CMC2: variants seen among roughly 807,000 people sequenced by gnomAD.
CMC2 encodes the protein COX assembly mitochondrial protein 2 homolog.
CMC2 carries 5 observed loss-of-function variants against 7.5 expected under a neutral mutation model. The observed-to-expected ratio is 0.66, with a 90% CI of 0.35 to 1.40. The LOEUF is 1.40. CMC2 is among the 40% of genes most tolerant of loss of function. The pLI is 0.04. For synonymous variants in CMC2, 37 were observed against 31.4 expected (o/e 1.18, Z -0.60); for missense variants, 115 against 92.3 (o/e 1.25, Z -1.01).
chr16:80,976,228 C>G, intron 3 of CMC2, 49 bp from the exon 4 acceptor site: 1 of 945,184 alleles, frequency 1.1e-6, no homozygotes, highest in Non-Finnish European at 1.6e-6. Flanking sequence ...GATTATGTCA[C>G]TATTTATAGC....
chr16:80,987,884 A>G (rs866331473), intron 2 of CMC2, among the ~76,000 whole-genome samples: 3 of 152,166 alleles, frequency 2.0e-5, no homozygotes, highest in Admixed American at 6.5e-5. Context: ...TAATTAAATA[A>G]CTGGGATCAG....
At chr16:80,997,624 A>C in intron 1 of CMC2, 195 bp from the exon 2 acceptor site, 1 of 385,440 alleles carries the variant, frequency 2.6e-6, no homozygotes, top group Non-Finnish European at 4.7e-6. Context: ...GCAAGTTATC[A>C]GTAGTATTTA....
chr16:80,999,383 A>T (rs1968678358), intron 1 of CMC2, among the ~76,000 whole-genome samples: 1 of 152,224 alleles, frequency 6.6e-6, no homozygotes, highest in Non-Finnish European at 1.5e-5. Context: ...CTACAGGAAG[A>T]ACTACAAAAC....
chr16:80,988,741 A>G, intron 2 of CMC2: 1 of 533,004 alleles, frequency 1.9e-6, no homozygotes, highest in Non-Finnish European at 3.3e-6. Flanking sequence ...AGGCAAAAAA[A>G]GTTGGGTGGG....
chr16:81,000,829 C>G (rs1434886193), intron 1 of CMC2, among the ~76,000 whole-genome samples: 1 of 152,216 alleles, frequency 6.6e-6, no homozygotes, highest in Non-Finnish European at 1.5e-5. Context: ...CTAGATCCAG[C>G]AATCCCATTA....
intron 2 of CMC2, among the ~76,000 whole-genome samples, chr16:80,987,439 T>C (rs1967631538): frequency 6.6e-6 from 1 of 152,238 alleles, no homozygotes; most frequent in Admixed American, 6.5e-5. Flanking sequence ...TAAAATGATA[T>C]GTATTATTTA....
chr16:81,001,614 A>C (rs1390972128), intron 1 of CMC2, among the ~76,000 whole-genome samples: 1 of 152,188 alleles, frequency 6.6e-6, no homozygotes, highest in Non-Finnish European at 1.5e-5. Flanking sequence ...TTAAGATGGT[A>C]AATTTTATGT....
intron 2 of CMC2, chr16:80,984,053 T>A (rs1047039158): frequency 6.6e-6 from 1 of 152,160 alleles, no homozygotes; most frequent in Non-Finnish European, 1.5e-5. Context: ...GCCACTAATT[T>A]ACAATATAAG....
chr16:81,005,887 C>G (rs188339800), intron 1 of CMC2, among the ~76,000 whole-genome samples: 14 of 152,340 alleles, frequency 9.2e-5, no homozygotes, highest in Non-Finnish European at 1.8e-4. Flanking sequence ...CTTGCCAATG[C>G]ACATGGTAAA....
chr16:81,005,411 C>G (rs1038531316), intron 1 of CMC2, among the ~76,000 whole-genome samples: 3 of 147,762 alleles, frequency 2.0e-5, no homozygotes, highest in African/African-American at 4.9e-5. Flanking sequence ...GACGCCGTCT[C>G]AAAATAAAAT....
At chr16:80,985,070 C>T (rs949989185) in intron 2 of CMC2, among the ~76,000 whole-genome samples, 3 of 152,106 alleles carry the variant, frequency 2.0e-5, no homozygotes, top group African/African-American at 7.2e-5. Context: ...TCCCAGGTAC[C>T]AGGGACACAG....
chr16:80,984,502 T>C (rs978018555), intron 2 of CMC2, among the ~76,000 whole-genome samples: 1 of 152,260 alleles, frequency 6.6e-6, no homozygotes, highest in African/African-American at 2.4e-5. Flanking sequence ...TAACATAGAC[T>C]AAAGTCTCCT....
At chr16:80,996,719 T>C (rs1485761378) in intron 2 of CMC2, among the ~76,000 whole-genome samples, 2 of 152,230 alleles carry the variant, frequency 1.3e-5, no homozygotes, top group African/African-American at 4.8e-5. Flanking sequence ...CGGTGTCATA[T>C]ATCAAACATA....
Position 80,997,357 on chromosome 16 carries a change from T to C in CMC2, c.38A>G (p.Glu13Gly). 1 of 1,612,116 alleles carries C rather than the reference T, an allele frequency of 6.2e-7. No homozygotes were observed. The highest frequency in any genetic ancestry group is 8.5e-7 in the Non-Finnish European group (1 of 1,178,220). ...PDLSPHLHTE[E>G]CNVLINLLKE... is the part of the protein sequence containing the mutation. ...AAGCAAGTTAATCAAGACGTTGCAT[T>C]CTTCAGTGTGCAAGTGTGGAGATAA... Residue 13 changes from glutamate (E) to glycine (G), a missense_variant, in exon 2 of 4, where the codon GAA (glutamate) becomes GGA (glycine). Transcript: ENST00000219400.
chr16:80,989,041 G>A (rs1215000144), intron 2 of CMC2, among the ~76,000 whole-genome samples: 1 of 152,164 alleles, frequency 6.6e-6, no homozygotes, highest in Non-Finnish European at 1.5e-5. Context: ...CACATCAAGA[G>A]GCACATGGCA....
chr16:80,988,679 A>C (rs1967733675), intron 2 of CMC2: 1 of 655,500 alleles, frequency 1.5e-6, no homozygotes, highest in South Asian at 1.7e-5. Context: ...TATCTAATTT[A>C]TAGACCTTAT....
intron 2 of CMC2, among the ~76,000 whole-genome samples, chr16:80,996,456 T>G (rs1968422193): frequency 6.6e-6 from 1 of 152,228 alleles, no homozygotes; most frequent in African/African-American, 2.4e-5. Flanking sequence ...TTTATTGATG[T>G]AGTCTGGCTC....
chr16:80,999,994 G>T (rs2602440), intron 1 of CMC2, among the ~76,000 whole-genome samples: 1 of 151,874 alleles, frequency 6.6e-6, no homozygotes, highest in Non-Finnish European at 1.5e-5. Context: ...ACCTTCGGAA[G>T]AGAATTAGGA....
intron 1 of CMC2, among the ~76,000 whole-genome samples, chr16:81,004,512 T>C (rs1038764327): frequency 6.6e-6 from 1 of 152,186 alleles, no homozygotes; most frequent in Non-Finnish European, 1.5e-5. Context: ...GGTAAACTTG[T>C]CACGATTCCA....
Sources: allele counts gnomAD v4.1 joint callset (sites outside exome capture counted in the v4.1 genomes callset), GRCh38; gene constraint gnomAD v4.1.1; transcripts MANE v1.5; gene names NCBI Gene and HGNC (gene_info 2026-07-23, HGNC 2026-07-21).